HSPG2: variants seen among roughly 807,000 people sequenced by gnomAD.
The protein encoded by HSPG2 is basement membrane-specific heparan sulfate proteoglycan core protein.
HSPG2 carries 278 observed loss-of-function variants against 526.6 expected under a neutral mutation model. The ratio of observed to expected loss-of-function variants is 0.53; its 90% CI spans 0.48 to 0.58. The LOEUF (loss-of-function observed/expected upper bound fraction) is 0.58, where lower values mean the gene tolerates loss of function less well. HSPG2 is among the 20% of genes least tolerant of loss of function. The probability of loss-of-function intolerance (pLI) is 0.00; values close to 1 mark genes in which losing one functional copy is unlikely to be tolerated. For missense variants in HSPG2, 5,354 were observed against 6,099.5 expected, an observed-to-expected ratio of 0.88 and a Z score of 4.07; for synonymous variants, 2,465 against 2,555.4, an observed-to-expected ratio of 0.96 and a Z score of 1.07.
At chr1:21,912,400 C>T (rs998723560) in intron 1 of HSPG2, among the ~76,000 whole-genome samples, 2 of 152,150 alleles carry the variant, frequency 1.3e-5, no homozygotes, top group African/African-American at 4.8e-5. Context: ...TGAGTGAGCT[C>T]TCCAAAGACC....
rs1395941670 is a variant in HSPG2 at position 21,839,506 on chromosome 1, G to A, written c.9754C>T (p.Leu3252=). 6.2e-7 allele frequency: 1 copy of A among 1,614,124 alleles called. No homozygotes were observed. The highest frequency in any genetic ancestry group is 1.3e-5 in the African/African-American group (1 of 75,046). ...TIHWSKLRSP[L]PWQHRLEGDT... is the part of the protein sequence containing the mutation. ...CCTTCCAGCCGGTGCTGCCAGGGCAGTGGGGAACGCAGCTTGGACCAGTGG... is the reference window on the plus strand; with the variant it reads ...CCTTCCAGCCGGTGCTGCCAGGGCAATGGGGAACGCAGCTTGGACCAGTGG... Residue 3252 remains leucine (L), a synonymous_variant, in exon 73 of 97, where the codon CTG becomes TTG. Coordinates refer to ENST00000374695, the MANE Select transcript of HSPG2 (RefSeq NM_005529.7). The surrounding 1 kb of genome is among the most constrained non-coding windows in gnomAD (Gnocchi z 4.5).
intron 28 of HSPG2, among the ~76,000 whole-genome samples, 160 bp from the exon 29 acceptor site, chr1:21,874,171 T>C (rs1427911999): frequency 6.6e-6 from 1 of 152,200 alleles, no homozygotes; most frequent in African/African-American, 2.4e-5. Context: ...GAGTTCCACA[T>C]GCATAGCCTC....
Position 21,890,363 on chromosome 1 carries a change from T to G in HSPG2, c.413+64A>C. 6.6e-7 allele frequency: 1 copy of G among 1,516,970 alleles called. No individual in the cohort carries two copies. Among genetic ancestry groups the G allele is most frequent in the Non-Finnish European group, 9.2e-7 (1 of 1,092,176 alleles). 94.0% of individuals were successfully genotyped at this position (1,516,970 alleles called of 1,614,324 possible). On this transcript the variant is annotated intron_variant, in intron 5 of 96. Coordinates refer to ENST00000374695, the MANE Select transcript of HSPG2 (RefSeq NM_005529.7). The surrounding 1 kb of genome is among the most constrained non-coding windows in gnomAD (Gnocchi z 4.1). Reference sequence around the variant, plus strand: ...GCGGTGCCAGGCTTCCTTCCCATCCTCATCAGCCCCCTCCAGGTTACCCGC... The same window carrying G: ...GCGGTGCCAGGCTTCCTTCCCATCCGCATCAGCCCCCTCCAGGTTACCCGC...
chr1:21,886,619 G>A (rs1017500710), intron 9 of HSPG2, among the ~76,000 whole-genome samples: 30 of 152,162 alleles, frequency 2.0e-4, no homozygotes, highest in Admixed American at 1.1e-3. Flanking sequence ...CAGGATGCCC[G>A]TAATGTCCAT....
At chr1:21,842,207 C>A (rs780521895) in intron 68 of HSPG2, 32 bp downstream of exon 68, 1 of 1,612,710 alleles carries the variant, frequency 6.2e-7, no homozygotes, top group Non-Finnish European at 8.5e-7. Flanking sequence ...GCCCTCCCTT[C>A]CCCCCTTGCC....
At chr1:21,835,243 C>A (rs1284517181) in intron 76 of HSPG2, 2 of 597,688 alleles carry the variant, frequency 3.3e-6, no homozygotes, top group East Asian at 5.7e-5. Flanking sequence ...CCCAGCTTAG[C>A]CTCCTGAGTA....
chr1:21,890,258 A>G lies in HSPG2; in HGVS notation c.414-117T>C, dbSNP rs1045948373. On this transcript the variant is annotated intron_variant, in intron 5 of 96. Coordinates refer to ENST00000374695, the MANE Select transcript of HSPG2 (RefSeq NM_005529.7). The surrounding 1 kb of genome is among the most constrained non-coding windows in gnomAD (Gnocchi z 4.1). ...GTTCCGGGACAGCCTGTACCCAAAG[A>G]AGGGCAACTAAAGGTCCCAATGATC... 2.2e-6 allele frequency: 3 copies of G among 1,372,668 alleles called. No homozygotes were observed. Among genetic ancestry groups the G allele is most frequent in the Admixed American group, 3.4e-5 (2 of 58,890 alleles). 85.0% of individuals were successfully genotyped at this position (1,372,668 alleles called of 1,614,324 possible). A position where few individuals can be genotyped will look rare whatever the true frequency, so the allele number is the denominator to read the frequency against.
At chr1:21,935,627 C>T (rs527725033) in intron 1 of HSPG2, among the ~76,000 whole-genome samples, 40 of 152,346 alleles carry the variant, frequency 2.6e-4, no homozygotes, top group African/African-American at 9.1e-4. Flanking sequence ...TCCTCATGCA[C>T]ACAGCAAACA....
intron 1 of HSPG2, among the ~76,000 whole-genome samples, chr1:21,910,158 G>A (rs1254274197): frequency 2.0e-5 from 3 of 152,230 alleles, no homozygotes; most frequent in Admixed American, 2.0e-4. Flanking sequence ...TTCCTCCCTG[G>A]GTCCCCCAGC....
intron 1 of HSPG2, among the ~76,000 whole-genome samples, chr1:21,899,461 G>T (rs1303367472): frequency 6.6e-6 from 1 of 152,088 alleles, no homozygotes; most frequent in South Asian, 2.1e-4. Flanking sequence ...AGGTCTTATG[G>T]GGCTCCACTG....
chr1:21,847,412 G>T lies in HSPG2; in HGVS notation c.8106C>A (p.Ile2702=), dbSNP rs571975585. 1 of 1,613,934 alleles carries T rather than the reference G, an allele frequency of 6.2e-7. No homozygotes were observed. Among genetic ancestry groups the T allele is most frequent in the African/African-American group, 1.3e-5 (1 of 75,054 alleles). ...GEYVCRANNN[I]DALEASIVIS... is the part of the protein sequence containing the mutation. ...TGACGATGGAGGCCTCCAGGGCATC[G>T]ATGTTGTTGTTGGCCCGGCACACAT... Residue 2702 remains isoleucine (I), a synonymous_variant, in exon 62 of 97, where the codon ATC becomes ATA. Coordinates refer to ENST00000374695, the MANE Select transcript of HSPG2 (RefSeq NM_005529.7). This position sits in a 1 kb window ranked among gnomAD's most constrained non-coding sequence, Gnocchi z 4.1.
In HSPG2 at chr1:21,881,416, G is replaced by A. The variant is rs1641500591; in HGVS notation, c.1741C>T (p.Gln581Ter). Residue 581 changes from glutamine to a stop codon, truncating the protein, a stop_gained, in exon 14 of 97, where the codon CAG becomes TAG. Coordinates refer to ENST00000374695, the MANE Select transcript of HSPG2 (RefSeq NM_005529.7). LOFTEE classifies it high-confidence loss of function. ...LQIDPSLHEF[Q>*]LVDLSRRFLV... is the part of the protein sequence containing the mutation. ...AAGCGGCGGGACAGGTCGACTAGCT[G>A]GAACTCGTGCAGGGATGGGTCGATC... is the stretch of plus-strand genomic sequence containing the variant. 1 of 1,614,102 alleles carries A rather than the reference G, an allele frequency of 6.2e-7. No homozygotes were observed. The highest frequency in any genetic ancestry group is 8.5e-7 in the Non-Finnish European group (1 of 1,180,042).
intron 1 of HSPG2, among the ~76,000 whole-genome samples, chr1:21,930,425 C>T (rs563649357): frequency 1.1e-4 from 17 of 152,284 alleles, no homozygotes; most frequent in Admixed American, 2.0e-4. Context: ...CTAGCTATAA[C>T]GCAAGTGACA....
chr1:21,851,977 A>T, intron 53 of HSPG2, 51 bp from the exon 54 acceptor site: 2 of 1,608,094 alleles, frequency 1.2e-6, no homozygotes, highest in Non-Finnish European at 1.7e-6. Context: ...AGGCCAGCAA[A>T]TGCCCCACCG....
chr1:21,894,266 G>A (rs969761868), intron 3 of HSPG2, among the ~76,000 whole-genome samples: 1 of 152,104 alleles, frequency 6.6e-6, no homozygotes, highest in Non-Finnish European at 1.5e-5. Flanking sequence ...CATCTCAGGG[G>A]CTGGAGTCCA....
intron 1 of HSPG2, among the ~76,000 whole-genome samples, chr1:21,917,458 TAAA>T: frequency 7.9e-6 from 1 of 127,064 alleles, no homozygotes; most frequent in East Asian, 3.2e-4. Flanking sequence ...AATAAATAAA[TAAA>T]TAAATAAATA....
intron 1 of HSPG2, among the ~76,000 whole-genome samples, chr1:21,926,330 G>A (rs1357975247): frequency 6.6e-6 from 1 of 152,176 alleles, no homozygotes; most frequent in Admixed American, 6.5e-5. Context: ...GAGGCCACTG[G>A]GGAGGAGAAC....
Position 21,852,187 on chromosome 1 carries a change from G to A in HSPG2, c.6771C>T (p.Ala2257=), listed in dbSNP as rs149569423. The A allele has an allele frequency of 1.2e-5, 20 of 1,613,930 alleles. 1 individual carries two copies. Among genetic ancestry groups the A allele is most frequent in the Middle Eastern group, 1.6e-4 (1 of 6,084 alleles). The change falls in exon 53 of 97, where the codon GCC becomes GCT. Residue 2257 remains alanine, a synonymous_variant. Transcript: ENST00000374695. ...VRIESSSSTV[A]EGQTLDLSCV... is the part of the protein sequence containing the mutation. ...AGCTCAGATCCAGGGTCTGGCCCTC[G>A]GCCACTGTGGAGGATGAAGACTCGA...
chr1:21,868,425 C>T (rs951967129), intron 33 of HSPG2, among the ~76,000 whole-genome samples: 2 of 152,116 alleles, frequency 1.3e-5, no homozygotes, highest in African/African-American at 4.8e-5. Flanking sequence ...TGCCAGCACT[C>T]ATGATGATAA....
Sources: allele counts gnomAD v4.1 joint callset (sites outside exome capture counted in the v4.1 genomes callset), GRCh38; gene constraint gnomAD v4.1.1; non-coding constraint Gnocchi (gnomAD v3.1); transcripts MANE v1.5; gene names NCBI Gene and HGNC (gene_info 2026-07-23, HGNC 2026-07-21).